PARD6G: variants seen among roughly 807,000 people sequenced by gnomAD.
The protein encoded by PARD6G is par-6 family cell polarity regulator gamma.
Under a neutral mutation model 10.7 loss-of-function variants are expected in PARD6G, and 7 were observed. The observed-to-expected ratio is 0.66, with a 90% confidence interval of 0.37 to 1.23. The LOEUF is 1.23. PARD6G is among the 50% of genes most tolerant of loss of function. The pLI is 0.02. For synonymous variants in PARD6G, 287 were observed against 269.4 expected, an observed-to-expected ratio of 1.07 and a Z score of -0.64; for missense variants, 548 against 571.8, an observed-to-expected ratio of 0.96 and a Z score of 0.42.
chr18:80,230,275 C>A (rs1255727422), intron 1 of PARD6G, among the ~76,000 whole-genome samples: 2 of 152,230 alleles, frequency 1.3e-5, no homozygotes, highest in Non-Finnish European at 2.9e-5. Flanking sequence ...AGCACCTGTG[C>A]ACATCTGTGC....
At chr18:80,190,497 C>A (rs1039061374) in intron 2 of PARD6G, among the ~76,000 whole-genome samples, 4 of 152,214 alleles carry the variant, frequency 2.6e-5, no homozygotes, top group African/African-American at 9.7e-5. Flanking sequence ...TGATTCCACC[C>A]ATGAGCGCCT....
At chr18:80,245,235 C>T (rs755416976) in intron 1 of PARD6G, among the ~76,000 whole-genome samples, 2 of 152,182 alleles carry the variant, frequency 1.3e-5, no homozygotes, top group Non-Finnish European at 2.9e-5. Flanking sequence ...GTCCTCCAGA[C>T]CTACCCTGTG....
chr18:80,224,640 G>A (rs532204909), intron 1 of PARD6G, among the ~76,000 whole-genome samples: 225 of 152,318 alleles, frequency 1.5e-3, no homozygotes, highest in Non-Finnish European at 1.7e-3. Context: ...GAGGTCAGCA[G>A]TTCAAGACCA....
At chr18:80,232,170 G>A (rs1415347172) in intron 1 of PARD6G, among the ~76,000 whole-genome samples, 1 of 145,586 alleles carries the variant, frequency 6.9e-6, no homozygotes, top group Non-Finnish European at 1.5e-5. Context: ...GGTAGGTTCT[G>A]CCCCCGCCCC....
At chr18:80,223,177 T>C (rs910054715) in intron 1 of PARD6G, among the ~76,000 whole-genome samples, 5 of 152,176 alleles carry the variant, frequency 3.3e-5, no homozygotes, top group African/African-American at 9.6e-5. Flanking sequence ...GACAAATACA[T>C]AGAATTAAAT....
intron 1 of PARD6G, among the ~76,000 whole-genome samples, chr18:80,205,864 C>G (rs778027306): frequency 6.6e-6 from 1 of 152,196 alleles, no homozygotes. Context: ...ATATGGCTTT[C>G]GTTTAACTGA....
chr18:80,215,211 A>T (rs1967151193), intron 1 of PARD6G, among the ~76,000 whole-genome samples: 1 of 152,192 alleles, frequency 6.6e-6, no homozygotes, highest in African/African-American at 2.4e-5. Context: ...ACACTGAGAT[A>T]ATCTGTTATT....
At chr18:80,242,171 TTGGGTCCC>T (rs148357103) in intron 1 of PARD6G, among the ~76,000 whole-genome samples, 3,830 of 152,264 alleles carry the variant, frequency 0.025, 156 homozygotes, top group African/African-American at 0.088. Context: ...GACTCTGCAC[TTGGGTCCC>T]TGGTAAGTCT....
Position 80,184,312 on chromosome 18 carries a change from C to A in PARD6G, c.295+18398G>T, listed in dbSNP as rs1043653722. On this transcript the variant is annotated intron_variant, in intron 2 of 2. Coordinates refer to ENST00000353265, the MANE Select transcript of PARD6G (RefSeq NM_032510.4). This position sits in a 1 kb window ranked among gnomAD's most constrained non-coding sequence, Gnocchi z 4.5. ...CCGGGCTGCAGTGAATCCAGGTGAC[C>A]TCACAGAAACTTGTATGTGAGCATT... The A allele has an allele frequency of 3.3e-5, 5 of 152,260 alleles. No individual in the cohort carries two copies. Among genetic ancestry groups the A allele is most frequent in the African/African-American group, 1.2e-4 (5 of 41,456 alleles). 9.4% of individuals were successfully genotyped at this position (152,260 alleles called of 1,614,324 possible). A position where few individuals can be genotyped will look rare whatever the true frequency, so the allele number is the denominator to read the frequency against.
At chr18:80,219,474 T>A (rs1967207119) in intron 1 of PARD6G, among the ~76,000 whole-genome samples, 1 of 152,226 alleles carries the variant, frequency 6.6e-6, no homozygotes, top group Non-Finnish European at 1.5e-5. Context: ...CCTCCCAAAG[T>A]GCTGGGATTA....
intron 1 of PARD6G, among the ~76,000 whole-genome samples, chr18:80,225,138 C>CG (rs1967277534): frequency 1.3e-5 from 2 of 152,220 alleles, no homozygotes; most frequent in Non-Finnish European, 1.5e-5. Context: ...CAAGGAACTG[C>CG]GGCACCGTTT....
At position 80,201,024 on chromosome 18, in the gene PARD6G, C is replaced by T. The variant is rs11877955; in HGVS notation, c.295+1686G>A. On this transcript the variant is annotated intron_variant, in intron 2 of 2. Transcript: ENST00000353265. This position sits in a 1 kb window ranked among gnomAD's most constrained non-coding sequence, Gnocchi z 5.9. ...CACCTTCTTCACACCATTGCTCACC[C>T]CACACCATGTGAGCAAATGCTGTGA... 0.13 allele frequency among the ~76,000 whole-genome samples: 20,336 copies of T among 152,186 alleles called. 2,140 individuals carry two copies. Among genetic ancestry groups the T allele is most frequent in the East Asian group, 0.4 (2,078 of 5,156 alleles).
At chr18:80,236,232 C>T (rs567977701) in intron 1 of PARD6G, among the ~76,000 whole-genome samples, 27 of 152,274 alleles carry the variant, frequency 1.8e-4, no homozygotes, top group Non-Finnish European at 3.2e-4. Context: ...AGCATATAAA[C>T]AGAACCAACG....
intron 1 of PARD6G, among the ~76,000 whole-genome samples, chr18:80,244,018 C>T (rs1267795860): frequency 6.6e-6 from 1 of 152,102 alleles, no homozygotes; most frequent in East Asian, 1.9e-4. Flanking sequence ...TAGGTAAAGG[C>T]GTTGCTAAGT....
chr18:80,209,223 A>C (rs919740072), intron 1 of PARD6G, among the ~76,000 whole-genome samples: 13 of 152,232 alleles, frequency 8.5e-5, no homozygotes, highest in Admixed American at 7.9e-4. Context: ...AAAATGGCTA[A>C]TTCCAGGTAT....
chr18:80,225,650 A>G (rs962344126), intron 1 of PARD6G, among the ~76,000 whole-genome samples: 1 of 152,206 alleles, frequency 6.6e-6, no homozygotes, highest in Non-Finnish European at 1.5e-5. Flanking sequence ...TCATTTCCTC[A>G]AAATACTCTT....
intron 2 of PARD6G, chr18:80,171,281 T>G (rs1159966284): frequency 6.6e-6 from 1 of 152,230 alleles, no homozygotes; most frequent in Non-Finnish European, 1.5e-5. Context: ...CGGGTAGTGC[T>G]GCCTTTTGGG....
intron 2 of PARD6G, among the ~76,000 whole-genome samples, chr18:80,185,308 G>A (rs1005268757): frequency 7.3e-5 from 11 of 150,550 alleles, no homozygotes; most frequent in African/African-American, 1.7e-4. Context: ...CTCAGAAGGT[G>A]ATTTTTTTTT....
Position 80,183,272 on chromosome 18 carries a change from C to G in PARD6G, c.295+19438G>C. 1 of 680,190 alleles carries G rather than the reference C, an allele frequency of 1.5e-6. No homozygotes were observed. The highest frequency in any genetic ancestry group is 2.7e-5 in the East Asian group (1 of 36,756). The allele number at this position is 680,190 out of a possible 1,614,324, so 42.1% of individuals were successfully genotyped here. ...GCATGGAGAAGAGCAAAGCCGCATA[C>G]AGGCATAGTGGAAAAGTACGCTGAC... On this transcript the variant is annotated intron_variant, in intron 2 of 2. Coordinates refer to ENST00000353265, the MANE Select transcript of PARD6G (RefSeq NM_032510.4). The surrounding 1 kb of genome is among the most constrained non-coding windows in gnomAD (Gnocchi z 4.5).
Sources: gnomAD v4.1 joint callset for allele counts (sites outside exome capture counted in the v4.1 genomes callset) on GRCh38, gnomAD v4.1.1 for gene constraint, Gnocchi (gnomAD v3.1) non-coding constraint, MANE v1.5 for transcripts, NCBI Gene and HGNC (gene_info 2026-07-23, HGNC 2026-07-21) for gene names.